GSE1: variants seen among roughly 807,000 people sequenced by gnomAD.
The protein encoded by GSE1 is genetic suppressor element 1.
In GSE1, 32 loss-of-function variants were observed where a neutral mutation model predicts 112.6. The ratio of observed to expected loss-of-function variants is 0.28; its 90% CI spans 0.21 to 0.38. GSE1 has a LOEUF of 0.38. Among genes scored for constraint, GSE1 ranks in the 10% least tolerant of loss-of-function variants. The pLI is 1.00. For missense variants in GSE1, 2,348 were observed against 1,699.2 expected (o/e 1.38, Z -6.71); for synonymous variants, 1,115 against 735.6 (o/e 1.52, Z -8.35).
chr16:85,558,425 C>G (rs2045343049), intron 1 of GSE1, among the ~76,000 whole-genome samples: 1 of 152,242 alleles, frequency 6.6e-6, no homozygotes, highest in African/African-American at 2.4e-5. Flanking sequence ...TCACCTGCCA[C>G]TGGAGGCTGC....
chr16:85,235,428 C>CTCTGTGGGTG (rs775585078), intron 1 of GSE1, among the ~76,000 whole-genome samples: 1 of 126,318 alleles, frequency 7.9e-6, no homozygotes, highest in African/African-American at 3.1e-5. Flanking sequence ...TGGAAGGGTA[C>CTCTGTGGGTG]TGTGTGTGTG....
At chr16:85,420,380 C>T (rs530421949) in intron 2 of GSE1, among the ~76,000 whole-genome samples, 1 of 152,150 alleles carries the variant, frequency 6.6e-6, no homozygotes, top group Non-Finnish European at 1.5e-5. Context: ...CTAAGCCACG[C>T]AGTTTGTAGC....
At chr16:85,660,514 C>A (rs955091745) in intron 8 of GSE1, among the ~76,000 whole-genome samples, 18 of 152,256 alleles carry the variant, frequency 1.2e-4, no homozygotes, top group Middle Eastern at 6.8e-3. Context: ...TGGCACACGC[C>A]TGTAATCCCA....
In GSE1 at chr16:85,494,344, C is replaced by T. The variant is rs1597947911; in HGVS notation, c.2464+136701C>T. Among the ~76,000 whole-genome samples, 3 of 152,164 alleles carry T rather than the reference C, an allele frequency of 2.0e-5. No individual in the cohort carries two copies. In the South Asian group the frequency reaches 6.2e-4, roughly 32 times the overall value. On this transcript the variant is annotated intron_variant, in intron 2 of 2. Transcript: ENST00000637419. ...CTCTTCCTCTGGCTTTGAGTGTCTT[C>T]TTGTAAGGACCCCAGTCATGTTGGA...
At chr16:85,248,172 G>C (rs1567637680) in intron 1 of GSE1, among the ~76,000 whole-genome samples, 1 of 152,154 alleles carries the variant, frequency 6.6e-6, no homozygotes, top group Non-Finnish European at 1.5e-5. Flanking sequence ...CGCTGGGCAG[G>C]TGGGCTTGGG....
intron 2 of GSE1, among the ~76,000 whole-genome samples, chr16:85,395,882 C>T (rs572266514): frequency 6.6e-5 from 10 of 150,884 alleles, no homozygotes; most frequent in Admixed American, 1.3e-4. Flanking sequence ...AGAAAACCAG[C>T]CAGCGCCCCG....
intron 1 of GSE1, among the ~76,000 whole-genome samples, chr16:85,195,838 A>G (rs1483961488): frequency 1.3e-5 from 2 of 152,172 alleles, no homozygotes; most frequent in East Asian, 3.8e-4. Flanking sequence ...ACACAGAGTT[A>G]AAAAATAAAA....
intron 1 of GSE1, among the ~76,000 whole-genome samples, chr16:85,350,161 A>G (rs556949549): frequency 9.9e-5 from 15 of 152,282 alleles, no homozygotes; most frequent in African/African-American, 3.6e-4. Context: ...GGTACTCGGG[A>G]CAAGTAAGGC....
intron 1 of GSE1, among the ~76,000 whole-genome samples, chr16:85,347,252 G>A (rs998282361): frequency 9.2e-5 from 14 of 152,210 alleles, no homozygotes; most frequent in South Asian, 8.3e-4. Flanking sequence ...CAGGATGTCC[G>A]TGGTGAGCCG....
intron 1 of GSE1, among the ~76,000 whole-genome samples, chr16:85,337,548 G>T (rs867897360): frequency 1.3e-5 from 2 of 151,856 alleles, no homozygotes; most frequent in Non-Finnish European, 1.5e-5. Flanking sequence ...CTCGTGATCC[G>T]CCCGCCTCGG....
At chr16:85,434,415 C>T (rs914739894) in intron 2 of GSE1, among the ~76,000 whole-genome samples, 1 of 151,970 alleles carries the variant, frequency 6.6e-6, no homozygotes, top group African/African-American at 2.4e-5. Flanking sequence ...CTTTTATTTC[C>T]CCAGTAATCC....
intron 1 of GSE1, among the ~76,000 whole-genome samples, chr16:85,188,862 T>G (rs886922551): frequency 3.3e-5 from 5 of 151,868 alleles, no homozygotes; most frequent in Non-Finnish European, 7.4e-5. Context: ...TCCATCATCC[T>G]CATCACTACC....
In GSE1 at chr16:85,311,628, TCTCCAGGGCCC is replaced by T. The variant is rs2045851182; in HGVS notation, c.2284-45832_2284-45822del. 6.6e-6 allele frequency among the ~76,000 whole-genome samples: 1 copy of T among 152,132 alleles called. No individual in the cohort carries two copies. The highest frequency in any genetic ancestry group is 2.1e-4 in the South Asian group (1 of 4,828). On this transcript the variant is annotated intron_variant, in intron 1 of 2. Coordinates refer to the GSE1 transcript ENST00000637419. This position sits in a 1 kb window ranked among gnomAD's most constrained non-coding sequence, Gnocchi z 4.2. ...CTGCTTCGGTGCCCCTGGGGGTCCT[TCTCCAGGGCCC>T]CTTGGGCTGTGTACCTGGGCCTGGT...
intron 1 of GSE1, among the ~76,000 whole-genome samples, chr16:85,623,556 G>A (rs1431969690): frequency 1.3e-5 from 2 of 152,164 alleles, no homozygotes; most frequent in Non-Finnish European, 2.9e-5. Context: ...TGCCCCCATA[G>A]TGTGTTCCCT....
chr16:85,316,659 C>T (rs780890553), intron 1 of GSE1, among the ~76,000 whole-genome samples: 5 of 152,204 alleles, frequency 3.3e-5, no homozygotes, highest in Non-Finnish European at 5.9e-5. Flanking sequence ...GGACAGCAGA[C>T]GTCCTCACTG....
At chr16:85,351,183 G>A (rs916230442) in intron 1 of GSE1, among the ~76,000 whole-genome samples, 1 of 152,220 alleles carries the variant, frequency 6.6e-6, no homozygotes, top group Non-Finnish European at 1.5e-5. Context: ...GATGGAATCT[G>A]GCTGGATGCC....
intron 2 of GSE1, among the ~76,000 whole-genome samples, chr16:85,500,843 A>T (rs1298887832): frequency 2.6e-5 from 4 of 152,072 alleles, no homozygotes; most frequent in Admixed American, 2.6e-4. Context: ...GCCCCAAGGG[A>T]GGATCCTTCT....
intron 2 of GSE1, among the ~76,000 whole-genome samples, chr16:85,463,789 A>G (rs937260189): frequency 9.8e-5 from 15 of 152,286 alleles, no homozygotes; most frequent in Middle Eastern, 3.4e-3. Context: ...CATGAGTCCC[A>G]TCGGAGAGAG....
intron 1 of GSE1, among the ~76,000 whole-genome samples, chr16:85,334,903 C>G (rs2046450798): frequency 6.6e-6 from 1 of 152,174 alleles, no homozygotes; most frequent in Admixed American, 6.5e-5. Context: ...AGAGCTGCTC[C>G]AACAACTTTT....
Sources: gnomAD v4.1 joint callset for allele counts (sites outside exome capture counted in the v4.1 genomes callset) on GRCh38, gnomAD v4.1.1 for gene constraint, Gnocchi (gnomAD v3.1) non-coding constraint, MANE v1.5 for transcripts, NCBI Gene and HGNC (gene_info 2026-07-23, HGNC 2026-07-21) for gene names.